Variants in ZCCHC7 observed in about 807,000 individuals in gnomAD.
ZCCHC7 encodes the protein zinc finger CCHC-type containing 7, also known as zinc finger CCHC domain-containing protein 7.
ZCCHC7 carries 35 observed loss-of-function variants against 52.0 expected under a neutral mutation model. That is an observed-to-expected ratio of 0.67 (90% CI 0.51 to 0.89). The LOEUF (loss-of-function observed/expected upper bound fraction) is 0.89. ZCCHC7 is among the 40% of genes least tolerant of loss of function. The pLI, the probability that ZCCHC7 is intolerant of heterozygous loss-of-function variation, is 0.00. For missense variants in ZCCHC7, 574 were observed against 649.1 expected (o/e 0.88, Z 1.26); for synonymous variants, 217 against 221.5 (o/e 0.98, Z 0.18).
At chr9:37,257,577 TTTTA>T (rs1367204741) in intron 2 of ZCCHC7, among the ~76,000 whole-genome samples, 1 of 152,188 alleles carries the variant, frequency 6.6e-6, no homozygotes, top group African/African-American at 2.4e-5. Flanking sequence ...GAAGTTTCAC[TTTTA>T]TTTATTTTTT....
intron 2 of ZCCHC7, among the ~76,000 whole-genome samples, chr9:37,271,569 ATTTG>A (rs1307656158): frequency 1.3e-5 from 2 of 151,908 alleles, no homozygotes; most frequent in Non-Finnish European, 2.9e-5. Flanking sequence ...CTTATTTATC[ATTTG>A]TTTGTTTGTT....
chr9:37,169,363 G>C (rs867875649), intron 2 of ZCCHC7, among the ~76,000 whole-genome samples: 5 of 152,366 alleles, frequency 3.3e-5, no homozygotes, highest in African/African-American at 1.2e-4. Flanking sequence ...GTTGTTAATA[G>C]AATGGGACCA....
chr9:37,147,577 G>C (rs1008314688), intron 2 of ZCCHC7: 3 of 151,846 alleles, frequency 2.0e-5, no homozygotes, highest in African/African-American at 7.3e-5. Flanking sequence ...CAGTCAGTCT[G>C]CTAGTTAAAT....
At chr9:37,290,886 A>G (rs1828504248) in intron 2 of ZCCHC7, among the ~76,000 whole-genome samples, 1 of 152,202 alleles carries the variant, frequency 6.6e-6, no homozygotes, top group Non-Finnish European at 1.5e-5. Context: ...TTACTTATTC[A>G]TTATTTCCAG....
intron 7 of ZCCHC7, among the ~76,000 whole-genome samples, chr9:37,350,133 TGG>T (rs375371442): frequency 1.8e-4 from 22 of 125,188 alleles, no homozygotes; most frequent in African/African-American, 6.2e-4. Context: ...TTTTTTTTTT[TGG>T]TTTTTTTTTT....
chr9:37,301,692 T>G (rs1829037634), intron 2 of ZCCHC7, among the ~76,000 whole-genome samples: 1 of 152,104 alleles, frequency 6.6e-6, no homozygotes, highest in African/African-American at 2.4e-5. Context: ...TTTACACAAT[T>G]TTTTTGTTAT....
At chr9:37,278,708 A>G (rs999472521) in intron 2 of ZCCHC7, among the ~76,000 whole-genome samples, 30 of 152,256 alleles carry the variant, frequency 2.0e-4, no homozygotes, top group African/African-American at 7.2e-4. Context: ...AGTAACAGAA[A>G]GGAATAATAA....
At chr9:37,227,920 T>G (rs771418364) in intron 2 of ZCCHC7, among the ~76,000 whole-genome samples, 1 of 152,088 alleles carries the variant, frequency 6.6e-6, no homozygotes, top group African/African-American at 2.4e-5. Context: ...CTCAGCCTCC[T>G]GAGTATCTGG....
intron 2 of ZCCHC7, among the ~76,000 whole-genome samples, chr9:37,234,278 T>C (rs1227589843): frequency 6.6e-6 from 1 of 152,240 alleles, no homozygotes; most frequent in African/African-American, 2.4e-5. Flanking sequence ...ATCCTGTTTC[T>C]CAGATCTATT....
intron 2 of ZCCHC7, among the ~76,000 whole-genome samples, chr9:37,172,366 G>T (rs773676366): frequency 6.6e-6 from 1 of 152,050 alleles, no homozygotes; most frequent in Non-Finnish European, 1.5e-5. Flanking sequence ...GAACTTTGCC[G>T]GATATTTTGA....
intron 2 of ZCCHC7, among the ~76,000 whole-genome samples, chr9:37,199,384 T>G (rs985602459): frequency 1.1e-4 from 17 of 148,890 alleles, no homozygotes; most frequent in African/African-American, 3.7e-4. Context: ...CAGGCTGGAG[T>G]GCAATGGTGC....
At position 37,326,446 on chromosome 9, in the gene ZCCHC7, T is replaced by G. The variant is rs371447647; in HGVS notation, c.952-1353T>G. Among the ~76,000 whole-genome samples, 21 of 151,594 alleles carry G rather than the reference T, an allele frequency of 1.4e-4. 1 individual carries two copies. The East Asian group carries it at 2.7e-3, about 20-fold the overall frequency. ...GAATTTGATATTAAAACTGGAAAGC[T>G]GACCACTAAACAGTCTTTCCTATAG... On this transcript the variant is annotated intron_variant, in intron 5 of 8. Coordinates refer to ENST00000336755, the MANE Select transcript of ZCCHC7 (RefSeq NM_032226.3).
chr9:37,203,309 A>AT (rs890674650), intron 2 of ZCCHC7, among the ~76,000 whole-genome samples: 14 of 150,896 alleles, frequency 9.3e-5, no homozygotes, highest in East Asian at 1.9e-4. Flanking sequence ...TCTTTAAAAA[A>AT]TTTTTTTTTT....
intron 2 of ZCCHC7, among the ~76,000 whole-genome samples, chr9:37,190,080 A>G (rs1019524421): frequency 5.9e-5 from 9 of 152,170 alleles, no homozygotes; most frequent in African/African-American, 2.2e-4. Context: ...CTTCTGCTGC[A>G]CATTTCTTGC....
intron 2 of ZCCHC7, among the ~76,000 whole-genome samples, chr9:37,221,136 G>A (rs952382653): frequency 7.9e-5 from 12 of 152,194 alleles, no homozygotes; most frequent in East Asian, 1.9e-4. Flanking sequence ...ATTGCCCTGA[G>A]GAACAGTTTG....
rs764762054 is a variant in ZCCHC7, at chr9:37,304,310, A to G, written c.777A>G (p.Pro259=). The G allele has an allele frequency of 3.7e-6, 6 of 1,612,604 alleles. No homozygotes were observed. Among genetic ancestry groups the G allele is most frequent in the Non-Finnish European group, 5.1e-6 (6 of 1,179,460 alleles). The change falls in exon 4 of 9, where the codon CCA becomes CCG. Residue 259 remains proline (P), a synonymous_variant. Transcript: ENST00000336755. ...ATTTATCAAAAAACTGCCCCTTACC[A>G]CGAGTACGTGAAATATGCTTTGCTT... The part of the protein sequence containing the change: ...RGHLSKNCPL[P]RKVRRCFLCS...
At chr9:37,156,176 A>G (rs1361911128) in intron 2 of ZCCHC7, among the ~76,000 whole-genome samples, 2 of 152,132 alleles carry the variant, frequency 1.3e-5, no homozygotes, top group African/African-American at 4.8e-5. Flanking sequence ...TTATGGTTTG[A>G]GTTTGTTTCC....
chr9:37,166,432 A>T (rs1821426068), intron 2 of ZCCHC7, among the ~76,000 whole-genome samples: 1 of 151,926 alleles, frequency 6.6e-6, no homozygotes, highest in African/African-American at 2.4e-5. Flanking sequence ...ATCTCTAGTG[A>T]TACCACTTTT....
rs547579268 is a variant in ZCCHC7, at chr9:37,289,702, T to A, written c.611-12486T>A. Among the ~76,000 whole-genome samples, 343 of 152,354 alleles carry A rather than the reference T, an allele frequency of 2.3e-3. 1 individual carries two copies. Among genetic ancestry groups the A allele is most frequent in the African/African-American group, 8.1e-3 (337 of 41,578 alleles). On this transcript the variant is annotated intron_variant, in intron 2 of 8. Transcript: ENST00000336755. ...CAAATCATATTACTCTTACGAGTTT[T>A]TGTTTCACTCAGAGTAAAAGTCAAA...
Sources: allele counts gnomAD v4.1 joint callset (sites outside exome capture counted in the v4.1 genomes callset), GRCh38; gene constraint gnomAD v4.1.1; transcripts MANE v1.5; gene names NCBI Gene and HGNC (gene_info 2026-07-23, HGNC 2026-07-21).